The following RAB4A variants were observed in gnomAD, a reference collection of about 807,000 sequenced individuals.
RAB4A encodes ras-related protein Rab-4A.
In RAB4A, 20 loss-of-function variants were observed where a neutral mutation model predicts 34.5. The ratio of observed to expected loss-of-function variants is 0.58; its 90% confidence interval spans 0.41 to 0.84. RAB4A has a LOEUF of 0.84. RAB4A is among the 40% of genes least tolerant of loss of function. The probability of loss-of-function intolerance (pLI) is 0.00; values close to 1 mark genes in which losing one functional copy is unlikely to be tolerated. For missense variants in RAB4A, 228 were observed against 274.5 expected (o/e 0.83, Z 1.20); for synonymous variants, 102 against 100.0 (o/e 1.02, Z -0.12).
chr1:229,286,593 TC>T (rs748283761), intron 2 of RAB4A, 27 bp downstream of exon 2: 1 of 1,377,266 alleles, frequency 7.3e-7, no homozygotes, highest in East Asian at 2.4e-5. Context: ...TAGTCATTCT[TC>T]CGTGCATGTC....
In RAB4A at chr1:229,304,300, C is replaced by G. The variant is rs1314284290; in HGVS notation, c.*507C>G. 6.6e-6 allele frequency: 1 copy of G among 152,020 alleles called. No individual in the cohort carries two copies. Among genetic ancestry groups the G allele is most frequent in the Non-Finnish European group, 1.5e-5 (1 of 68,022 alleles). 9.4% of individuals were successfully genotyped at this position (152,020 alleles called of 1,614,324 possible). ...AGCCAGTGTGTTTTCTTATTTAACTCCGTTTACTACATTCTACATGGTGTT... is the reference window on the plus strand; with the variant it reads ...AGCCAGTGTGTTTTCTTATTTAACTGCGTTTACTACATTCTACATGGTGTT... On this transcript the variant is annotated 3_prime_UTR_variant, in exon 8 of 8. Transcript: ENST00000366690.
At position 229,271,222 on chromosome 1, in the gene RAB4A, C is replaced by T; in HGVS notation, c.-118C>T. The T allele has an allele frequency of 9.4e-7, 1 of 1,065,002 alleles. No individual in the cohort carries two copies. Among genetic ancestry groups the T allele is most frequent in the Non-Finnish European group, 1.2e-6 (1 of 834,570 alleles). The allele number at this position is 1,065,002 out of a possible 1,614,324, so 66.0% of individuals were successfully genotyped here. ...GGGAGACCGGCGGTTGCCGTGGGGA[C>T]CGGTCGGGCCCCTCCCTCCTCCGGT... is the stretch of plus-strand genomic sequence containing the variant. On this transcript the variant is annotated 5_prime_UTR_variant, in exon 1 of 8. Transcript: ENST00000366690.
At chr1:229,271,403 C>A in intron 1 of RAB4A, 33 bp downstream of exon 1, 1 of 1,211,122 alleles carries the variant, frequency 8.3e-7, no homozygotes, top group Non-Finnish European at 1.0e-6. Flanking sequence ...GCGCGCGGGT[C>A]GGGCCGCGGG....
chr1:229,284,032 C>T (rs9435833), intron 1 of RAB4A, among the ~76,000 whole-genome samples: 58,578 of 149,796 alleles, frequency 0.39, 11,808 homozygotes, highest in Admixed American at 0.45. Flanking sequence ...CCACTGCGCC[C>T]GGCCTCAGAG....
intron 3 of RAB4A, among the ~76,000 whole-genome samples, chr1:229,291,297 A>T (rs895029164): frequency 3.9e-5 from 6 of 152,226 alleles, no homozygotes; most frequent in African/African-American, 1.4e-4. Flanking sequence ...TTTCTTAGAA[A>T]GTTTAGGAGG....
In RAB4A at chr1:229,304,422, C is replaced by T. The variant is rs938687845; in HGVS notation, c.*629C>T. The T allele has an allele frequency of 2.6e-5, 4 of 151,696 alleles. No homozygotes were observed. Among genetic ancestry groups the T allele is most frequent in the African/African-American group, 9.7e-5 (4 of 41,252 alleles). 9.4% of individuals were successfully genotyped at this position (151,696 alleles called of 1,614,324 possible). ...GTTTTTCCGTGAACTTTATACTGTC[C>T]AGCTCTGTTGATTTTAAAGCCTCTT... On this transcript the variant is annotated 3_prime_UTR_variant, in exon 8 of 8. Transcript: ENST00000366690.
At chr1:229,285,557 A>G (rs941081230) in intron 1 of RAB4A, among the ~76,000 whole-genome samples, 1 of 152,088 alleles carries the variant, frequency 6.6e-6, no homozygotes, top group African/African-American at 2.4e-5. Flanking sequence ...AGCTACAAAC[A>G]GGGGAGCCAG....
At chr1:229,290,394 C>T (rs971683352) in intron 3 of RAB4A, among the ~76,000 whole-genome samples, 1 of 152,136 alleles carries the variant, frequency 6.6e-6, no homozygotes, top group African/African-American at 2.4e-5. Flanking sequence ...GTGTATGTCC[C>T]ACATAGGAGA....
chr1:229,305,151 T>A lies in RAB4A; in HGVS notation c.*1358T>A. On this transcript the variant is annotated 3_prime_UTR_variant, in exon 8 of 8. Transcript: ENST00000366690. The stretch of plus-strand genomic sequence containing the variant: ...CTCTGGGAAATGACTAGGATAAAAA[T>A]ATCAGTATGTATCTGTTTTAGATAT... 1.9e-6 allele frequency: 3 copies of A among 1,593,208 alleles called. No individual in the cohort carries two copies. The highest frequency in any genetic ancestry group is 2.6e-6 in the Non-Finnish European group (3 of 1,171,310).
chr1:229,301,714 A>G (rs1558241926), intron 6 of RAB4A, among the ~76,000 whole-genome samples: 1 of 152,148 alleles, frequency 6.6e-6, no homozygotes, highest in Non-Finnish European at 1.5e-5. Context: ...TTATTTTTTT[A>G]ATGGGTAATA....
chr1:229,301,372 G>A (rs1657382043), intron 6 of RAB4A, among the ~76,000 whole-genome samples: 1 of 152,010 alleles, frequency 6.6e-6, no homozygotes, highest in South Asian at 2.1e-4. Flanking sequence ...TCGGGCCCAG[G>A]TAGAAGGGCT....
intron 1 of RAB4A, 133 bp downstream of exon 1, chr1:229,271,503 G>T (rs1656475820): frequency 2.2e-5 from 17 of 790,562 alleles, no homozygotes; most frequent in Non-Finnish European, 2.8e-5. Context: ...GATCTCGGAG[G>T]TGTCTGGGCT....
chr1:229,275,534 C>T (rs1251375021), intron 1 of RAB4A, among the ~76,000 whole-genome samples: 5 of 151,106 alleles, frequency 3.3e-5, no homozygotes, highest in Non-Finnish European at 7.4e-5. Flanking sequence ...CATCAAAATA[C>T]GATTCATGAG....
Position 229,305,342 on chromosome 1 carries a change from G to A in RAB4A, c.*1549G>A. 6.6e-7 allele frequency: 1 copy of A among 1,513,494 alleles called. No homozygotes were observed. The highest frequency in any genetic ancestry group is 1.3e-5 in the South Asian group (1 of 76,090). 93.8% of individuals were successfully genotyped at this position (1,513,494 alleles called of 1,614,324 possible). ...TCATTTTTGAACAGCTTTTTGCATG[G>A]GATAGGAGCATGTCTATTCTAACAC... On this transcript the variant is annotated 3_prime_UTR_variant, in exon 8 of 8. Coordinates refer to ENST00000366690, the MANE Select transcript of RAB4A (RefSeq NM_004578.4).
intron 1 of RAB4A, among the ~76,000 whole-genome samples, chr1:229,273,857 T>G (rs1200754903): frequency 6.6e-6 from 1 of 152,158 alleles, no homozygotes; most frequent in African/African-American, 2.4e-5. Flanking sequence ...GTGGCCATAT[T>G]TATACAGCAT....
chr1:229,275,652 T>G (rs138905972), intron 1 of RAB4A, among the ~76,000 whole-genome samples: 3,020 of 145,190 alleles, frequency 0.021, 105 homozygotes, highest in African/African-American at 0.071. Context: ...ATAGAGTCTC[T>G]CACTGTTGCC....
At chr1:229,280,209 A>G (rs550034474) in intron 1 of RAB4A, among the ~76,000 whole-genome samples, 2 of 152,330 alleles carry the variant, frequency 1.3e-5, no homozygotes, top group East Asian at 3.9e-4. Context: ...GATGAGTGAG[A>G]TCATCATTGC....
At position 229,288,842 on chromosome 1, in the gene RAB4A, A is replaced by G. The variant is rs866558785; in HGVS notation, c.226A>G (p.Arg76Gly). The G allele has an allele frequency of 6.7e-7, 1 of 1,483,160 alleles. No homozygotes were observed. Among genetic ancestry groups the G allele is most frequent in the Non-Finnish European group, 9.3e-7 (1 of 1,073,238 alleles). 91.9% of individuals were successfully genotyped at this position (1,483,160 alleles called of 1,614,324 possible). ...IWDTAGQERF[R>G]SVTRSYYRGA... ...GGATACAGCAGGACAAGAACGATTC[A>G]GGTAGCTTTTCTCTAACTTAATAAA... The change falls in exon 3 of 8, where the codon AGG (arginine) becomes GGG (glycine). Residue 76 changes from arginine to glycine, a missense_variant and splice_region_variant. Transcript: ENST00000366690.
chr1:229,272,710 G>A (rs903124344), intron 1 of RAB4A, among the ~76,000 whole-genome samples: 6 of 152,166 alleles, frequency 3.9e-5, no homozygotes, highest in African/African-American at 1.4e-4. Flanking sequence ...GAGGCAGAGA[G>A]GAGAGGGTCT....
Sources: allele counts gnomAD v4.1 joint callset (sites outside exome capture counted in the v4.1 genomes callset), GRCh38; gene constraint gnomAD v4.1.1; transcripts MANE v1.5; gene names NCBI Gene and HGNC (gene_info 2026-07-23, HGNC 2026-07-21).